The following LIPK variants were observed in gnomAD, a reference collection of about 807,000 sequenced individuals.
LIPK encodes the protein lipase member K.
A neutral mutation model predicts 48.6 loss-of-function variants in LIPK; 32 were observed. That is an observed-to-expected ratio of 0.66 (90% CI 0.50 to 0.88). The LOEUF is 0.88. Ranked by LOEUF, LIPK falls within the 40% of genes least tolerant of loss-of-function variation. The probability of loss-of-function intolerance (pLI) is 0.00; values close to 1 mark genes in which losing one functional copy is unlikely to be tolerated. For synonymous variants in LIPK, 164 were observed against 157.4 expected (o/e 1.04, Z -0.32); for missense variants, 507 against 478.5 (o/e 1.06, Z -0.56).
At chr10:88,731,300 A>G in intron 4 of LIPK, 119 bp downstream of exon 4, 1 of 835,564 alleles carries the variant, frequency 1.2e-6, no homozygotes, top group Non-Finnish European at 1.7e-6. Flanking sequence ...ACAAGAAGGA[A>G]ACAAACCTTT....
intron 1 of LIPK, among the ~76,000 whole-genome samples, chr10:88,710,782 G>A (rs1376249301): frequency 6.6e-6 from 1 of 152,092 alleles, no homozygotes; most frequent in Non-Finnish European, 1.5e-5. Flanking sequence ...AATCTTCAGC[G>A]AACAATCTTG....
In LIPK at chr10:88,752,686, T is replaced by G. The variant is rs773229315; in HGVS notation, c.1130T>G (p.Leu377Arg). 8 of 1,576,864 alleles carry G rather than the reference T, an allele frequency of 5.1e-6. No homozygotes were observed. Among genetic ancestry groups the G allele is most frequent in the Non-Finnish European group, 6.9e-6 (8 of 1,158,950 alleles). Reference sequence around the variant, plus strand: ...CACTACAATCATGTGGATTTTTACCTTGGAGAGGATGCACCTCAGGAAATT... The same window carrying G: ...CACTACAATCATGTGGATTTTTACCGTGGAGAGGATGCACCTCAGGAAATT... ...IPHYNHVDFY[L>R]GEDAPQEIYQ... Residue 377 changes from leucine (L) to arginine (R), a missense_variant, in exon 10 of 10, where the codon CTT becomes CGT. Physicochemically the swap from Leu to Arg is moderately radical, Grantham distance 102. Transcript: ENST00000404190.
At chr10:88,709,334 T>C (rs1841987492) in intron 1 of LIPK, among the ~76,000 whole-genome samples, 1 of 152,230 alleles carries the variant, frequency 6.6e-6, no homozygotes, top group African/African-American at 2.4e-5. Flanking sequence ...GTGCAGAATG[T>C]GTAGGTTTGT....
chr10:88,749,000 A>C (rs534126504), intron 9 of LIPK, among the ~76,000 whole-genome samples: 2 of 152,354 alleles, frequency 1.3e-5, no homozygotes, highest in East Asian at 3.9e-4. Context: ...GCTGACAGCC[A>C]AGTCAAGAAC....
chr10:88,737,137 T>C (rs1842588155), intron 6 of LIPK, among the ~76,000 whole-genome samples: 1 of 152,172 alleles, frequency 6.6e-6, no homozygotes, highest in Non-Finnish European at 1.5e-5. Context: ...CTAATTATGA[T>C]AGTAATAATA....
intron 9 of LIPK, among the ~76,000 whole-genome samples, chr10:88,744,195 C>A (rs993944738): frequency 1.3e-5 from 2 of 152,242 alleles, no homozygotes; most frequent in Non-Finnish European, 2.9e-5. Flanking sequence ...CACAGCCTCA[C>A]ATGCCCAACC....
At chr10:88,727,683 G>A (rs540766445) in intron 3 of LIPK, 6 of 176,036 alleles carry the variant, frequency 3.4e-5, no homozygotes, top group African/African-American at 1.2e-4. Context: ...ATGGGTCTGG[G>A]TGAGGTCTAT....
At chr10:88,708,077 C>T (rs780239034) in intron 1 of LIPK, among the ~76,000 whole-genome samples, 1 of 152,000 alleles carries the variant, frequency 6.6e-6, no homozygotes, top group Non-Finnish European at 1.5e-5. Flanking sequence ...TCTGGCAAAC[C>T]CAGTCATTTG....
Position 88,752,732 on chromosome 10 carries a change from G to T in LIPK, c.1176G>T (p.Leu392Phe). ...AAATTTACCAAGACCTAATTATATT[G>T]ATGGAAGAATATTTACAAAATTAAA... ...PQEIYQDLII[L>F]MEEYLQN The change falls in exon 10 of 10, where the codon TTG (leucine) becomes TTT (phenylalanine). Residue 392 changes from leucine to phenylalanine, a missense_variant. Transcript: ENST00000404190. The T allele has an allele frequency of 1.3e-6, 2 of 1,553,314 alleles. No homozygotes were observed. Among genetic ancestry groups the T allele is most frequent in the South Asian group, 1.2e-5 (1 of 84,544 alleles).
chr10:88,724,665 G>GA lies in LIPK; in HGVS notation c.105+24dup, dbSNP rs11358016. 2 of 1,528,084 alleles carry GA rather than the reference G, an allele frequency of 1.3e-6. No homozygotes were observed. Among genetic ancestry groups the GA allele is most frequent in the Non-Finnish European group, 1.8e-6 (2 of 1,128,690 alleles). 94.7% of individuals were successfully genotyped at this position (1,528,084 alleles called of 1,614,324 possible). On this transcript the variant is annotated intron_variant, in intron 2 of 9. Transcript: ENST00000404190. Reference sequence around the variant, plus strand: ...ATGAATATTGTAAGTCATTTATTCAGAAAAAAATGCTAAAATAAGGAATTA... The same window carrying GA: ...ATGAATATTGTAAGTCATTTATTCAGAAAAAAAATGCTAAAATAAGGAATTA...
intron 2 of LIPK, among the ~76,000 whole-genome samples, 175 bp from the exon 3 acceptor site, chr10:88,726,620 G>A (rs1277535965): frequency 6.6e-6 from 1 of 152,160 alleles, no homozygotes; most frequent in Non-Finnish European, 1.5e-5. Context: ...CTTGAGCCGA[G>A]GAGGCGAAGG....
At chr10:88,723,229 T>C (rs1400015456) in intron 1 of LIPK, among the ~76,000 whole-genome samples, 1 of 152,140 alleles carries the variant, frequency 6.6e-6, no homozygotes, top group African/African-American at 2.4e-5. Flanking sequence ...TAAAATAAAA[T>C]CATATATGTC....
chr10:88,726,503 C>A (rs1197466936), intron 2 of LIPK, among the ~76,000 whole-genome samples: 1 of 152,138 alleles, frequency 6.6e-6, no homozygotes, highest in Non-Finnish European at 1.5e-5. Flanking sequence ...CCAGCCTGGG[C>A]AACATGGTGA....
At chr10:88,710,649 C>T (rs1842011356) in intron 1 of LIPK, among the ~76,000 whole-genome samples, 1 of 152,062 alleles carries the variant, frequency 6.6e-6, no homozygotes, top group African/African-American at 2.4e-5. Context: ...TGATATTTAT[C>T]CAGGCTGTTG....
chr10:88,737,506 T>A, intron 6 of LIPK, 129 bp from the exon 7 acceptor site: 2 of 896,284 alleles, frequency 2.2e-6, no homozygotes, highest in South Asian at 3.8e-5. Flanking sequence ...ACAAGCCTCA[T>A]GATTTCACTA....
At chr10:88,727,527 T>TGAGTGAA (rs1842367491) in intron 3 of LIPK, 1 of 158,650 alleles carries the variant, frequency 6.3e-6, no homozygotes. Context: ...CTACCTACCT[T>TGAGTGAA]CACTCCAGCC....
intron 1 of LIPK, among the ~76,000 whole-genome samples, chr10:88,720,508 C>T (rs761823278): frequency 7.2e-5 from 11 of 151,962 alleles, no homozygotes; most frequent in Non-Finnish European, 1.5e-4. Context: ...CACATCTACC[C>T]CTGAATCCAA....
chr10:88,731,115 G>A lies in LIPK; in HGVS notation c.356G>A (p.Arg119Gln), dbSNP rs529200159. The A allele has an allele frequency of 5.0e-5, 81 of 1,606,146 alleles. No individual in the cohort carries two copies. Among genetic ancestry groups the A allele is most frequent in the Middle Eastern group, 3.3e-4 (2 of 6,046 alleles). ...TATGACGTGTGGTTGGGGAACAGCC[G>A]AGGAAACACTTGGTCCAGAAAACAC... The part of the protein sequence containing the change: ...SGYDVWLGNS[R>Q]GNTWSRKHLK... The change falls in exon 4 of 10, where the codon CGA becomes CAA. Residue 119 changes from arginine to glutamine, a missense_variant. Arg to Gln is a conservative substitution (Grantham distance 43). Transcript: ENST00000404190.
At chr10:88,727,738 C>T in intron 3 of LIPK, 1 of 218,198 alleles carries the variant, frequency 4.6e-6, no homozygotes, top group Non-Finnish European at 9.4e-6. Flanking sequence ...TCACTGTGAC[C>T]CAGAGTCTGC....
Sources: allele counts gnomAD v4.1 joint callset (sites outside exome capture counted in the v4.1 genomes callset), GRCh38; gene constraint gnomAD v4.1.1; transcripts MANE v1.5; gene names NCBI Gene and HGNC (gene_info 2026-07-23, HGNC 2026-07-21).